Variants in ADAMTS19 observed in about 807,000 individuals in gnomAD.
The protein encoded by ADAMTS19 is ADAM metallopeptidase with thrombospondin type 1 motif 19.
ADAMTS19 carries 93 observed loss-of-function variants against 153.3 expected under a neutral mutation model. The ratio of observed to expected loss-of-function variants is 0.61; its 90% confidence interval spans 0.51 to 0.72. The LOEUF is 0.72. Ranked by LOEUF, ADAMTS19 falls within the 30% of genes least tolerant of loss-of-function variation. ADAMTS19 has a pLI of 0.00. For missense variants in ADAMTS19, 1,482 were observed against 1,552.1 expected (o/e 0.95, Z 0.76); for synonymous variants, 600 against 556.6 (o/e 1.08, Z -1.10).
chr5:129,665,503 T>C lies in ADAMTS19; in HGVS notation c.2430T>C (p.Tyr810=), dbSNP rs1754006597. 6.2e-7 allele frequency: 1 copy of C among 1,606,828 alleles called. No homozygotes were observed. The highest frequency in any genetic ancestry group is 8.5e-7 in the Non-Finnish European group (1 of 1,175,142). The change falls in exon 16 of 23, where the codon TAT becomes TAC. Residue 810 remains tyrosine (Y), a synonymous_variant. Coordinates refer to ENST00000274487, the MANE Select transcript of ADAMTS19 (RefSeq NM_133638.6). ...GDFNHTRGAG[Y]VEVLVIPAGA... is the part of the protein sequence containing the mutation. ...ATGTTTTATTGACTCTTACAGGTTA[T>C]GTAGAAGTGCTGGTGATACCTGCTG...
rs1753125344 is a variant in ADAMTS19, at chr5:129,647,618, G to A, written c.1873-147G>A. On this transcript the variant is annotated intron_variant, in intron 11 of 22. Transcript: ENST00000274487. The stretch of plus-strand genomic sequence containing the variant: ...TATATTACTATGACAAAAAACAAGT[G>A]CCAACTTATTTTTGGTCTTTCCTAA... 8 of 851,054 alleles carry A rather than the reference G, an allele frequency of 9.4e-6. No homozygotes were observed. In the East Asian group the frequency reaches 2.1e-4, roughly 23 times the overall value. The allele number at this position is 851,054 out of a possible 1,614,324, so 52.7% of individuals were successfully genotyped here. A position where few individuals can be genotyped will look rare whatever the true frequency, so the allele number is the denominator to read the frequency against.
rs756970201 is a variant in ADAMTS19 at position 129,591,294 on chromosome 5, CT to C, written c.1373-5251del. Among the ~76,000 whole-genome samples the C allele has an allele frequency of 5.7e-3, 823 of 143,880 alleles. 4 individuals carry two copies. Among genetic ancestry groups the C allele is most frequent in the African/African-American group, 0.015 (606 of 39,296 alleles). 94.4% of individuals were successfully genotyped at this position (143,880 alleles called of 152,430 possible). ...TTAAAATGAGCATTTTAAAATTACACTTTTTTTTTTTTTTCTGAGATGGAGT... is the reference window on the plus strand; with the variant it reads ...TTAAAATGAGCATTTTAAAATTACACTTTTTTTTTTTTTCTGAGATGGAGT... On this transcript the variant is annotated intron_variant, in intron 7 of 22. Transcript: ENST00000274487.
intron 6 of ADAMTS19, among the ~76,000 whole-genome samples, chr5:129,530,204 T>C (rs1298827186): frequency 6.6e-6 from 1 of 152,014 alleles, no homozygotes; most frequent in Non-Finnish European, 1.5e-5. Flanking sequence ...AACATGAAAA[T>C]GTGACCCATG....
chr5:129,582,948 C>T (rs1304909586), intron 7 of ADAMTS19, among the ~76,000 whole-genome samples: 2 of 152,094 alleles, frequency 1.3e-5, no homozygotes, highest in Non-Finnish European at 2.9e-5. Context: ...TTGATCCTAT[C>T]ATTATGATGC....
intron 3 of ADAMTS19, among the ~76,000 whole-genome samples, chr5:129,522,653 T>C (rs868726918): frequency 6.4e-4 from 97 of 152,104 alleles, no homozygotes; most frequent in African/African-American, 2.2e-3. Flanking sequence ...GGGGATAGTC[T>C]ACATAAGATT....
intron 10 of ADAMTS19, among the ~76,000 whole-genome samples, chr5:129,626,113 A>G (rs1337602853): frequency 1.3e-5 from 2 of 152,174 alleles, no homozygotes; most frequent in African/African-American, 4.8e-5. Flanking sequence ...GGTCTAGAGC[A>G]GTTAAATAAT....
At chr5:129,610,891 T>A (rs1751178298) in intron 8 of ADAMTS19, among the ~76,000 whole-genome samples, 2 of 152,310 alleles carry the variant, frequency 1.3e-5, no homozygotes, top group African/African-American at 4.8e-5. Context: ...GTTGAACTAG[T>A]TTACAGTCCC....
At position 129,517,295 on chromosome 5, in the gene ADAMTS19, G is replaced by A. The variant is rs529278446; in HGVS notation, c.913+8053G>A. On this transcript the variant is annotated intron_variant, in intron 3 of 22. Coordinates refer to ENST00000274487, the MANE Select transcript of ADAMTS19 (RefSeq NM_133638.6). ...TAATGTTCTGTAAATCTTTATTAGAGTCATTTGGCCTATAGTGCAGATTAA... is the reference window on the plus strand; with the variant it reads ...TAATGTTCTGTAAATCTTTATTAGAATCATTTGGCCTATAGTGCAGATTAA... Among the ~76,000 whole-genome samples the A allele has an allele frequency of 6.2e-4, 94 of 151,922 alleles. 3 individuals carry two copies. The highest frequency in any genetic ancestry group is 6.1e-3 in the Admixed American group (93 of 15,228).
chr5:129,534,402 T>C (rs1243935874), intron 6 of ADAMTS19, among the ~76,000 whole-genome samples: 2 of 152,200 alleles, frequency 1.3e-5, no homozygotes, highest in East Asian at 3.9e-4. Flanking sequence ...AATAGACCAA[T>C]AACAGGCTCT....
intron 6 of ADAMTS19, among the ~76,000 whole-genome samples, chr5:129,533,996 G>T (rs1253576056): frequency 6.6e-6 from 1 of 152,206 alleles, no homozygotes; most frequent in African/African-American, 2.4e-5. Flanking sequence ...TATATTTGCT[G>T]AGGAGTGCTT....
intron 20 of ADAMTS19, among the ~76,000 whole-genome samples, chr5:129,702,941 A>AAAAAAAAATATATATAT: frequency 1.4e-4 from 4 of 29,306 alleles, no homozygotes; most frequent in Admixed American, 4.6e-4. Flanking sequence ...AAAAAAAAAA[A>AAAAAAAAATATATATAT]ATATATATAT....
chr5:129,691,059 A>G (rs1411188219), intron 18 of ADAMTS19, among the ~76,000 whole-genome samples: 1 of 152,154 alleles, frequency 6.6e-6, no homozygotes, highest in Non-Finnish European at 1.5e-5. Context: ...ATTTTGAAAT[A>G]TCCATTTTAT....
chr5:129,588,938 A>G (rs1394600270), intron 7 of ADAMTS19, among the ~76,000 whole-genome samples: 1 of 151,274 alleles, frequency 6.6e-6, no homozygotes, highest in African/African-American at 2.4e-5. Context: ...TTTCTTTTTT[A>G]CTTCTATTGC....
At chr5:129,538,959 C>T (rs1752557988) in intron 6 of ADAMTS19, among the ~76,000 whole-genome samples, 1 of 152,118 alleles carries the variant, frequency 6.6e-6, no homozygotes. Context: ...TTCTACTCTG[C>T]TCTCCAACCC....
chr5:129,463,468 G>C (rs1388554031), intron 2 of ADAMTS19, among the ~76,000 whole-genome samples: 5 of 152,138 alleles, frequency 3.3e-5, no homozygotes, highest in African/African-American at 9.7e-5. Context: ...TATCATGTTG[G>C]ACTTTTACTC....
chr5:129,567,179 G>A (rs1265063664), intron 7 of ADAMTS19, among the ~76,000 whole-genome samples: 1 of 152,036 alleles, frequency 6.6e-6, no homozygotes, highest in Non-Finnish European at 1.5e-5. Context: ...ACCAAGACAC[G>A]CAGAAGCCTT....
At chr5:129,549,095 G>A (rs1190928370) in intron 6 of ADAMTS19, among the ~76,000 whole-genome samples, 1 of 149,632 alleles carries the variant, frequency 6.7e-6, no homozygotes, top group African/African-American at 2.5e-5. Flanking sequence ...GTTAATGGGT[G>A]CAGCACAGCA....
chr5:129,515,470 T>C (rs1308731631), intron 3 of ADAMTS19, among the ~76,000 whole-genome samples: 5 of 152,046 alleles, frequency 3.3e-5, no homozygotes, highest in African/African-American at 1.2e-4. Flanking sequence ...TCAATTTCCC[T>C]CATCAGTGTT....
chr5:129,489,427 T>A (rs1750696494), intron 2 of ADAMTS19, among the ~76,000 whole-genome samples: 1 of 152,116 alleles, frequency 6.6e-6, no homozygotes, highest in Non-Finnish European at 1.5e-5. Flanking sequence ...CTTCTTCCTT[T>A]CCCTTTATGC....
Sources: gnomAD v4.1 joint callset for allele counts (sites outside exome capture counted in the v4.1 genomes callset) on GRCh38, gnomAD v4.1.1 for gene constraint, MANE v1.5 for transcripts, NCBI Gene and HGNC (gene_info 2026-07-23, HGNC 2026-07-21) for gene names.